The following HDAC9 variants were observed in gnomAD, a reference collection of about 807,000 sequenced individuals.
HDAC9 encodes histone deacetylase 9, also known as MEF-2 interacting transcription repressor (MITR) protein.
Under a neutral mutation model 139.4 loss-of-function variants are expected in HDAC9, and 41 were observed. That is an observed-to-expected ratio of 0.29 (90% CI 0.23 to 0.38). HDAC9 has a LOEUF of 0.38. Among genes scored for constraint, HDAC9 ranks in the 10% least tolerant of loss-of-function variants. The probability of loss-of-function intolerance (pLI) is 1.00; values close to 1 mark genes in which losing one functional copy is unlikely to be tolerated. For synonymous variants in HDAC9, 517 were observed against 476.2 expected (o/e 1.09, Z -1.12); for missense variants, 1,147 against 1,297.0 (o/e 0.88, Z 1.78).
rs1428129698 is a variant in HDAC9 at position 18,989,567 on chromosome 7, G to A, written c.3171-6456G>A. Among the ~76,000 whole-genome samples the A allele has an allele frequency of 2.3e-3, 340 of 150,422 alleles. 3 individuals are homozygous for A. The highest frequency in any genetic ancestry group is 7.6e-3 in the African/African-American group (308 of 40,720). On this transcript the variant is annotated intron_variant, in intron 25 of 25. Coordinates refer to ENST00000686413, the MANE Select transcript of HDAC9 (RefSeq NM_178425.4). ...TCTTCTTGAGGAGTATCTTTGTGGC[G>A]TTCTCTGTATTTCCTGAATCTGAAT...
At chr7:18,527,067 T>C (rs1023842244) in intron 2 of HDAC9, among the ~76,000 whole-genome samples, 1 of 152,148 alleles carries the variant, frequency 6.6e-6, no homozygotes, top group Admixed American at 6.6e-5. Context: ...TTCTTGAGGT[T>C]ATTAAGTAGA....
At chr7:18,232,434 T>C (rs1393003543) in intron 2 of HDAC9, among the ~76,000 whole-genome samples, 5 of 152,172 alleles carry the variant, frequency 3.3e-5, no homozygotes, top group Non-Finnish European at 5.9e-5. Flanking sequence ...ATTATAAACT[T>C]TTCTGTGTTC....
chr7:18,571,334 TA>T (rs1424206521), intron 2 of HDAC9, among the ~76,000 whole-genome samples: 24 of 152,326 alleles, frequency 1.6e-4, no homozygotes, highest in Non-Finnish European at 3.2e-4. Context: ...AATAAACAAA[TA>T]ATGCCCTTAT....
At position 18,935,855 on chromosome 7, in the gene HDAC9, T is replaced by G; in HGVS notation, c.2850T>G (p.Arg950=). 1 of 1,613,690 alleles carries G rather than the reference T, an allele frequency of 6.2e-7. No homozygotes were observed. The highest frequency in any genetic ancestry group is 8.5e-7 in the Non-Finnish European group (1 of 1,179,672). ...AATTGATGACATTGGCTGATGGACG[T>G]GTGGTGTTGGCTCTAGAAGGAGGAC... is the stretch of plus-strand genomic sequence containing the variant. ...TKQLMTLADG[R]VVLALEGGHD... Residue 950 remains arginine (R), a synonymous_variant, in exon 23 of 26, where the codon CGT becomes CGG. Transcript: ENST00000686413.
intron 2 of HDAC9, among the ~76,000 whole-genome samples, chr7:18,515,100 G>A (rs1216738881): frequency 2.0e-5 from 3 of 152,158 alleles, no homozygotes; most frequent in Non-Finnish European, 2.9e-5. Context: ...AACAGAAAGA[G>A]AGATTATATT....
chr7:18,558,320 C>T (rs1432129264), intron 2 of HDAC9, among the ~76,000 whole-genome samples: 1 of 151,978 alleles, frequency 6.6e-6, no homozygotes, highest in African/African-American at 2.4e-5. Context: ...TTTCATAGGC[C>T]ATTGGTAAGT....
At chr7:18,261,314 A>G (rs915806595) in intron 2 of HDAC9, among the ~76,000 whole-genome samples, 1 of 152,104 alleles carries the variant, frequency 6.6e-6, no homozygotes, top group Non-Finnish European at 1.5e-5. Context: ...TCTCCAAAAT[A>G]AAAAATAAAA....
rs1460404643 is a variant in HDAC9 at position 18,666,953 on chromosome 7, T to C, written c.1731+477T>C. 7 of 991,308 alleles carry C rather than the reference T, an allele frequency of 7.1e-6. No individual in the cohort carries two copies. In the African/African-American group the frequency reaches 1.0e-4, roughly 15 times the overall value. 61.4% of individuals were successfully genotyped at this position (991,308 alleles called of 1,614,324 possible). A position where few individuals can be genotyped will look rare whatever the true frequency, so the allele number is the denominator to read the frequency against. ...TTAATTTTCACATCACTGTACATAA[T>C]GTATCATACTATAGTCTTGAACACT... On this transcript the variant is annotated intron_variant, in intron 12 of 25. Coordinates refer to ENST00000686413, the MANE Select transcript of HDAC9 (RefSeq NM_178425.4).
chr7:18,819,105 C>T (rs771652652), intron 17 of HDAC9, among the ~76,000 whole-genome samples: 4 of 152,058 alleles, frequency 2.6e-5, no homozygotes, highest in Non-Finnish European at 5.9e-5. Flanking sequence ...CATGGCAAAA[C>T]TCTGTCTCTA....
rs1235072443 is a variant in HDAC9, at chr7:18,997,854, C to T, written c.*1792C>T. 6.6e-6 allele frequency: 1 copy of T among 152,030 alleles called. No individual in the cohort carries two copies. The highest frequency in any genetic ancestry group is 1.5e-5 in the Non-Finnish European group (1 of 67,976). The allele number at this position is 152,030 out of a possible 1,614,324, so 9.4% of individuals were successfully genotyped here. A position where few individuals can be genotyped will look rare whatever the true frequency, so the allele number is the denominator to read the frequency against. On this transcript the variant is annotated 3_prime_UTR_variant, in exon 26 of 26. Transcript: ENST00000686413. ...TTACATATACAAAAATGGCTCAATA[C>T]TTGGTTTAACTTCTTAGAAATTTGA...
At chr7:18,413,033 A>G (rs1188699828) in intron 1 of HDAC9, among the ~76,000 whole-genome samples, 1 of 152,226 alleles carries the variant, frequency 6.6e-6, no homozygotes, top group Non-Finnish European at 1.5e-5. Context: ...GTTTTAGCTT[A>G]AGTAAATTGT....
At chr7:18,312,985 A>G (rs1377138575) in intron 1 of HDAC9, among the ~76,000 whole-genome samples, 4 of 152,188 alleles carry the variant, frequency 2.6e-5, no homozygotes, top group Admixed American at 6.5e-5. Context: ...AACTTTTCAG[A>G]TTTGTCTTCC....
intron 1 of HDAC9, among the ~76,000 whole-genome samples, chr7:18,361,348 C>G (rs1783762171): frequency 6.6e-6 from 1 of 151,996 alleles, no homozygotes; most frequent in Non-Finnish European, 1.5e-5. Flanking sequence ...TCTTATCCAC[C>G]CACACCTCTC....
intron 21 of HDAC9, among the ~76,000 whole-genome samples, chr7:18,857,217 T>C (rs1001322785): frequency 2.6e-5 from 4 of 152,226 alleles, no homozygotes; most frequent in African/African-American, 7.2e-5. Flanking sequence ...TTTTTTTAAC[T>C]GTGTTGCAGC....
intron 17 of HDAC9, among the ~76,000 whole-genome samples, chr7:18,820,391 G>A (rs13241157): frequency 0.35 from 53,788 of 151,858 alleles, 10,664 homozygotes; most frequent in African/African-American, 0.53. Flanking sequence ...CTCAGAATTC[G>A]GTGAGAAAAG....
chr7:18,681,348 A>C (rs1781876067), intron 12 of HDAC9, among the ~76,000 whole-genome samples: 1 of 152,054 alleles, frequency 6.6e-6, no homozygotes, highest in South Asian at 2.1e-4. Flanking sequence ...TCAATATTTT[A>C]GCCTTTCTTT....
chr7:18,695,918 T>G (rs1016038860), intron 12 of HDAC9, among the ~76,000 whole-genome samples: 1 of 152,210 alleles, frequency 6.6e-6, no homozygotes, highest in Non-Finnish European at 1.5e-5. Context: ...CTGGCTAGTA[T>G]TTTGAATATA....
At chr7:18,800,075 A>G (rs1041337814) in intron 17 of HDAC9, among the ~76,000 whole-genome samples, 8 of 152,220 alleles carry the variant, frequency 5.3e-5, no homozygotes, top group African/African-American at 1.7e-4. Flanking sequence ...AGGTCTCATC[A>G]TAAACTATGT....
intron 2 of HDAC9, among the ~76,000 whole-genome samples, chr7:18,542,877 T>C (rs939141809): frequency 1.3e-5 from 2 of 152,108 alleles, no homozygotes; most frequent in African/African-American, 4.8e-5. Context: ...GTATATTAAT[T>C]ACTGTTATTT....
Sources: gnomAD v4.1 joint callset for allele counts (sites outside exome capture counted in the v4.1 genomes callset) on GRCh38, gnomAD v4.1.1 for gene constraint, MANE v1.5 for transcripts, NCBI Gene and HGNC (gene_info 2026-07-23, HGNC 2026-07-21) for gene names.